Variants in NFIB observed in about 807,000 individuals in gnomAD.
NFIB encodes nuclear factor 1 B-type.
NFIB carries 11 observed loss-of-function variants against 61.5 expected under a neutral mutation model. The observed-to-expected ratio is 0.18, with a 90% CI of 0.11 to 0.30. NFIB has a LOEUF of 0.30. NFIB is among the 10% of genes least tolerant of loss of function. The pLI, the probability that NFIB is intolerant of heterozygous loss-of-function variation, is 1.00. For missense variants in NFIB, 471 were observed against 608.9 expected, an observed-to-expected ratio of 0.77 and a Z score of 2.38; for synonymous variants, 260 against 216.5, an observed-to-expected ratio of 1.20 and a Z score of -1.76.
intron 3 of NFIB, among the ~76,000 whole-genome samples, chr9:14,159,954 C>T (rs1017051466): frequency 6.6e-6 from 1 of 152,118 alleles, no homozygotes; most frequent in African/African-American, 2.4e-5. Context: ...AATTTGGAGA[C>T]ATTCATATAG....
At chr9:14,167,304 A>T (rs897692636) in intron 3 of NFIB, among the ~76,000 whole-genome samples, 4 of 152,144 alleles carry the variant, frequency 2.6e-5, no homozygotes, top group African/African-American at 9.7e-5. Context: ...GCACTCTAGG[A>T]GGCCGAGGCA....
the NFIB span, among the ~76,000 whole-genome samples, chr9:14,404,199 C>G: frequency 1.3e-5 from 2 of 152,234 alleles, no homozygotes; most frequent in East Asian, 3.9e-4. Flanking sequence ...ACTCTTATTC[C>G]TGTATTTAGG....
chr9:14,481,195 G>GTATATATATATATATATATA, the NFIB span, among the ~76,000 whole-genome samples: 8 of 35,060 alleles, frequency 2.3e-4, no homozygotes, highest in African/African-American at 4.6e-4. Flanking sequence ...GTGTGTGTGT[G>GTATATATATATATATATATA]TGTATATATA....
At position 14,227,157 on chromosome 9, in the gene NFIB, AAG is replaced by A. The variant is rs1491089232; in HGVS notation, c.563-47379_563-47378del. ...ACTCCGTGTCAAAAAAAAAAAAAAA[AAG>A]AAAGAAAAGTAAAGTAAAAGAAAAG... On this transcript the variant is annotated intron_variant, in intron 2 of 10. Transcript: ENST00000380953. Among the ~76,000 whole-genome samples, 31 of 151,572 alleles carry A rather than the reference AAG, an allele frequency of 2.0e-4. 1 individual carries two copies. Among genetic ancestry groups the A allele is most frequent in the African/African-American group, 7.5e-4 (31 of 41,306 alleles).
chr9:14,103,377 T>C (rs1478330775), intron 10 of NFIB, among the ~76,000 whole-genome samples: 2 of 152,104 alleles, frequency 1.3e-5, no homozygotes, highest in African/African-American at 2.4e-5. Context: ...ATCATCGTTT[T>C]TAACCTTCAG....
intron 1 of NFIB, among the ~76,000 whole-genome samples, chr9:14,355,138 G>A (rs1267311574): frequency 3.3e-5 from 5 of 152,140 alleles, no homozygotes; most frequent in Non-Finnish European, 7.3e-5. Flanking sequence ...GCTGAACTGT[G>A]CCACTCCAAA....
At chr9:14,225,291 T>C (rs2052225787) in intron 2 of NFIB, among the ~76,000 whole-genome samples, 1 of 151,716 alleles carries the variant, frequency 6.6e-6, no homozygotes, top group Non-Finnish European at 1.5e-5. Flanking sequence ...CAGTTATTGT[T>C]TGGTACTAGG....
intron 2 of NFIB, among the ~76,000 whole-genome samples, chr9:14,240,258 CCT>C (rs1043697680): frequency 1.3e-4 from 19 of 151,764 alleles, no homozygotes; most frequent in African/African-American, 4.1e-4. Flanking sequence ...TCCCTCTCTC[CCT>C]CTCTCTTTCT....
At chr9:14,444,429 T>A in the NFIB span, among the ~76,000 whole-genome samples, 1 of 152,178 alleles carries the variant, frequency 6.6e-6, no homozygotes, top group African/African-American at 2.4e-5. Flanking sequence ...TTGGGCTGCT[T>A]GATGGAAAGC....
the NFIB span, among the ~76,000 whole-genome samples, chr9:14,415,928 G>C: frequency 6.6e-6 from 1 of 152,172 alleles, no homozygotes; most frequent in Non-Finnish European, 1.5e-5. Flanking sequence ...CTGTCTGTGG[G>C]TTAATAGGGG....
chr9:14,259,549 T>C (rs56209538), intron 2 of NFIB, among the ~76,000 whole-genome samples: 2,244 of 152,248 alleles, frequency 0.015, 64 homozygotes, highest in African/African-American at 0.05. Flanking sequence ...GCTTAGACTC[T>C]GGAAAGACAG....
chr9:14,245,268 C>G (rs2054785855), intron 2 of NFIB, among the ~76,000 whole-genome samples: 1 of 152,184 alleles, frequency 6.6e-6, no homozygotes, highest in African/African-American at 2.4e-5. Context: ...TCACACCCAA[C>G]TCCTTCTCCC....
chr9:14,135,666 ATC>A (rs1228750170), intron 6 of NFIB, among the ~76,000 whole-genome samples: 1 of 152,194 alleles, frequency 6.6e-6, no homozygotes, highest in Non-Finnish European at 1.5e-5. Flanking sequence ...TTAAGAAAGT[ATC>A]TCCTTATATA....
chr9:14,423,984 G>C, the NFIB span, among the ~76,000 whole-genome samples: 1 of 152,026 alleles, frequency 6.6e-6, no homozygotes, highest in Admixed American at 6.5e-5. Context: ...AGAGAAGCTC[G>C]GGAATTTGGT....
In NFIB at chr9:14,151,612, A is replaced by G. The variant is rs187273067; in HGVS notation, c.686-1347T>C. On this transcript the variant is annotated intron_variant, in intron 4 of 10. Transcript: ENST00000380953. ...TTGTCCAAGAAGTCTGCGAAAAGCC[A>G]TAGCTGGCACTGGACTCTGGAGAAT... Among the ~76,000 whole-genome samples, 5 of 152,302 alleles carry G rather than the reference A, an allele frequency of 3.3e-5. No individual in the cohort carries two copies. The East Asian group carries it at 9.6e-4, about 29-fold the overall frequency.
chr9:14,119,536 C>T (rs1489671129), intron 8 of NFIB, among the ~76,000 whole-genome samples: 3 of 151,976 alleles, frequency 2.0e-5, no homozygotes, highest in Admixed American at 6.6e-5. Context: ...AATTGATAGA[C>T]ACACACTATT....
chr9:14,490,311 A>C, the NFIB span, among the ~76,000 whole-genome samples: 2 of 152,150 alleles, frequency 1.3e-5, no homozygotes, highest in African/African-American at 2.4e-5. Context: ...ATAAAAAATC[A>C]AATCCAAATA....
chr9:14,293,501 G>A (rs2059234060), intron 2 of NFIB, among the ~76,000 whole-genome samples: 1 of 152,166 alleles, frequency 6.6e-6, no homozygotes. Context: ...AGGAAATTAC[G>A]CCTCATGGGC....
At chr9:14,222,627 A>T (rs1017663929) in intron 2 of NFIB, among the ~76,000 whole-genome samples, 3 of 151,798 alleles carry the variant, frequency 2.0e-5, no homozygotes, top group Non-Finnish European at 2.9e-5. Flanking sequence ...ACAAAGTGAG[A>T]CCCCATTGCT....
Sources: allele counts gnomAD v4.1 joint callset (sites outside exome capture counted in the v4.1 genomes callset), GRCh38; gene constraint gnomAD v4.1.1; transcripts MANE v1.5; gene names NCBI Gene and HGNC (gene_info 2026-07-23, HGNC 2026-07-21).